The following FAT3 variants were observed in gnomAD, a reference collection of about 807,000 sequenced individuals.
FAT3 encodes the protein FAT atypical cadherin 3.
A neutral mutation model predicts 310.2 loss-of-function variants in FAT3; 95 were observed. The ratio of observed to expected loss-of-function variants is 0.31; its 90% CI spans 0.26 to 0.36. The LOEUF is 0.36. Ranked by LOEUF, FAT3 falls within the 10% of genes least tolerant of loss-of-function variation. FAT3 has a pLI of 1.00. For missense variants in FAT3, 5,408 were observed against 5,715.6 expected, an observed-to-expected ratio of 0.95 and a Z score of 1.74; for synonymous variants, 2,314 against 2,192.9, an observed-to-expected ratio of 1.06 and a Z score of -1.54.
Position 92,891,216 on chromosome 11 carries a change from A to C in FAT3, c.*103A>C, listed in dbSNP as rs901419910. The C allele has an allele frequency of 1.4e-6, 2 of 1,423,660 alleles. No homozygotes were observed. The highest frequency in any genetic ancestry group is 2.8e-5 in the African/African-American group (2 of 70,952). The allele number at this position is 1,423,660 out of a possible 1,614,324, so 88.2% of individuals were successfully genotyped here. ...GCATTGTCTGTGGAATGAGAAGGGA[A>C]TACTGTATTTTTCCACTAGAAACTT... On this transcript the variant is annotated 3_prime_UTR_variant, in exon 28 of 28. Transcript: ENST00000525166.
intron 2 of FAT3, among the ~76,000 whole-genome samples, chr11:92,474,047 A>C: frequency 6.6e-6 from 1 of 152,176 alleles, no homozygotes; most frequent in East Asian, 1.9e-4. Flanking sequence ...GGAGAACGTA[A>C]CTTTTGATTG....
chr11:92,332,880 G>A (rs1035391252), intron 1 of FAT3, among the ~76,000 whole-genome samples: 12 of 151,930 alleles, frequency 7.9e-5, no homozygotes, highest in Non-Finnish European at 2.9e-5. Context: ...TTGTTTCCTT[G>A]CTTTATAGTA....
At chr11:92,879,859 G>A (rs1232539926) in intron 22 of FAT3, among the ~76,000 whole-genome samples, 2 of 152,134 alleles carry the variant, frequency 1.3e-5, no homozygotes, top group African/African-American at 2.4e-5. Context: ...AGTGTAAATG[G>A]GAGAGAAGAC....
At chr11:92,620,540 A>T (rs974766950) in intron 3 of FAT3, among the ~76,000 whole-genome samples, 1 of 152,194 alleles carries the variant, frequency 6.6e-6, no homozygotes, top group African/African-American at 2.4e-5. Flanking sequence ...TGTAGCAATA[A>T]TCTTGATTTT....
At position 92,805,236 on chromosome 11, in the gene FAT3, G is replaced by A. The variant is rs770010177; in HGVS notation, c.8980G>A (p.Glu2994Lys). 1 of 1,613,910 alleles carries A rather than the reference G, an allele frequency of 6.2e-7. No individual in the cohort carries two copies. The highest frequency in any genetic ancestry group is 8.5e-7 in the Non-Finnish European group (1 of 1,179,840). ...TGTGAAGAGGCCTCTAGACAGAGAAGAACAGGACATTTACTTTCTCAATAT... is the reference window on the plus strand; with the variant it reads ...TGTGAAGAGGCCTCTAGACAGAGAAAAACAGGACATTTACTTTCTCAATAT... Reference protein sequence around the residue: ...VYVKRPLDREEQDIYFLNITA... With the variant: ...VYVKRPLDREKQDIYFLNITA... Residue 2994 changes from glutamate to lysine, a missense_variant, in exon 11 of 28, where the codon GAA (glutamate) becomes AAA (lysine). By Grantham distance (56) the Glu-to-Lys change is moderately conservative (BLOSUM62 1). This residue lies in a region of FAT3 where 4,588 missense variants were observed against 4,809.8 expected (regional missense o/e 0.95). Transcript: ENST00000525166.
At chr11:92,725,783 G>T (rs1944981037) in intron 4 of FAT3, among the ~76,000 whole-genome samples, 2 of 152,046 alleles carry the variant, frequency 1.3e-5, no homozygotes, top group Non-Finnish European at 2.9e-5. Context: ...CCCTTTCTCT[G>T]CTATAATCCT....
chr11:92,330,296 C>A (rs1033061816), intron 1 of FAT3, among the ~76,000 whole-genome samples: 2 of 152,142 alleles, frequency 1.3e-5, no homozygotes, highest in Non-Finnish European at 2.9e-5. Context: ...TGGCATTAAT[C>A]CATGGAAGCT....
At chr11:92,384,403 C>T (rs920208675) in intron 2 of FAT3, among the ~76,000 whole-genome samples, 2 of 152,166 alleles carry the variant, frequency 1.3e-5, no homozygotes, top group Non-Finnish European at 2.9e-5. Context: ...TTATATTTCT[C>T]ATCGAGTTTC....
intron 13 of FAT3, among the ~76,000 whole-genome samples, chr11:92,824,710 G>T (rs1198355121): frequency 6.6e-6 from 1 of 151,344 alleles, no homozygotes; most frequent in East Asian, 1.9e-4. Context: ...TAACCTAGAA[G>T]GGTAAACAAA....
chr11:92,347,279 G>A (rs1168781706), intron 1 of FAT3, among the ~76,000 whole-genome samples: 3 of 152,070 alleles, frequency 2.0e-5, no homozygotes, highest in East Asian at 1.9e-4. Context: ...GTTTGAACAC[G>A]GGTCACCTTC....
intron 2 of FAT3, among the ~76,000 whole-genome samples, chr11:92,450,049 G>C (rs1284369672): frequency 6.6e-6 from 1 of 152,074 alleles, no homozygotes; most frequent in African/African-American, 2.4e-5. Flanking sequence ...GCCTTGTCTT[G>C]TCTAACTCTA....
intron 1 of FAT3, among the ~76,000 whole-genome samples, chr11:92,345,782 G>A (rs1948399244): frequency 6.7e-6 from 1 of 150,140 alleles, no homozygotes; most frequent in Admixed American, 6.6e-5. Flanking sequence ...GAGATCTCAG[G>A]TCTAGTTTTA....
At chr11:92,613,482 TG>T (rs1361293235) in intron 3 of FAT3, among the ~76,000 whole-genome samples, 2 of 152,222 alleles carry the variant, frequency 1.3e-5, no homozygotes, top group Non-Finnish European at 2.9e-5. Context: ...GAACGAAAAC[TG>T]GTTCTGACAC....
chr11:92,240,598 C>A (rs1476583618), intron 1 of FAT3, among the ~76,000 whole-genome samples: 7 of 148,016 alleles, frequency 4.7e-5, no homozygotes, highest in South Asian at 2.1e-4. Flanking sequence ...ACCCAAAAAA[C>A]CAAATCCCAA....
chr11:92,412,657 T>G (rs1365203197), intron 2 of FAT3, among the ~76,000 whole-genome samples: 1 of 135,460 alleles, frequency 7.4e-6, no homozygotes, highest in African/African-American at 2.6e-5. Flanking sequence ...TTTTATCTTC[T>G]TATGTTTTCT....
At chr11:92,233,891 G>T (rs746673392) in intron 1 of FAT3, among the ~76,000 whole-genome samples, 3 of 152,126 alleles carry the variant, frequency 2.0e-5, no homozygotes, top group Admixed American at 2.0e-4. Context: ...ATTCAGCAGT[G>T]CACATGTTGT....
At position 92,331,003 on chromosome 11, in the gene FAT3, T is replaced by TGTGA. The variant is rs1280550527; in HGVS notation, c.-17-21092_-17-21091insTGAG. 3.9e-3 allele frequency among the ~76,000 whole-genome samples: 520 copies of TGTGA among 133,552 alleles called. 4 individuals are homozygous for TGTGA. Among genetic ancestry groups the TGTGA allele is most frequent in the Admixed American group, 6.6e-3 (90 of 13,630 alleles). 87.6% of individuals were successfully genotyped at this position (133,552 alleles called of 152,430 possible). ...GTGTGTGTGTGTGTGTGTGTGTGTG[T>TGTGA]GAGAGAGAGAGAGAGAGAAACATTT... On this transcript the variant is annotated intron_variant, in intron 1 of 27. Transcript: ENST00000525166.
intron 4 of FAT3, among the ~76,000 whole-genome samples, chr11:92,724,664 C>G (rs964026926): frequency 6.6e-6 from 1 of 152,212 alleles, no homozygotes; most frequent in Admixed American, 6.5e-5. Flanking sequence ...TAAGTACACA[C>G]TCACAGTATT....
At chr11:92,345,556 A>G (rs1487693838) in intron 1 of FAT3, among the ~76,000 whole-genome samples, 1 of 152,216 alleles carries the variant, frequency 6.6e-6, no homozygotes, top group Non-Finnish European at 1.5e-5. Flanking sequence ...CTGAAATTTA[A>G]CAAGCCTTAT....
Sources: allele counts gnomAD v4.1 joint callset (sites outside exome capture counted in the v4.1 genomes callset), GRCh38; gene constraint gnomAD v4.1.1; regional missense constraint gnomAD v4.1.1; transcripts MANE v1.5; gene names NCBI Gene and HGNC (gene_info 2026-07-23, HGNC 2026-07-21).